Variants in SECISBP2 observed in about 807,000 individuals in gnomAD.
The protein encoded by SECISBP2 is SECIS binding protein 2.
SECISBP2 carries 96 observed loss-of-function variants against 98.2 expected under a neutral mutation model. The ratio of observed to expected loss-of-function variants is 0.98; its 90% CI spans 0.83 to 1.16. The LOEUF is 1.16. SECISBP2 is among the 50% of genes most tolerant of loss of function. The pLI, the probability that SECISBP2 is intolerant of heterozygous loss-of-function variation, is 0.00. For missense variants in SECISBP2, 1,046 were observed against 1,022.9 expected, an observed-to-expected ratio of 1.02 and a Z score of -0.31; for synonymous variants, 407 against 370.2, an observed-to-expected ratio of 1.10 and a Z score of -1.14.
At chr9:89,326,133 C>A in intron 4 of SECISBP2, 95 bp downstream of exon 4, 1 of 1,446,518 alleles carries the variant, frequency 6.9e-7, no homozygotes. Context: ...TGGGCTTGTT[C>A]ATTGTGACTA....
Position 89,350,635 on chromosome 9 carries a change from C to A in SECISBP2, c.1896C>A (p.Tyr632Ter). ...PKIHSRRFRD[Y>*]CSQMLSKEVD... ...TGATGTCTGATGTTTCTTTCAGTTA[C>A]TGCAGCCAGATGCTTAGTAAAGAAG... Residue 632 changes from tyrosine (Y) to a stop codon, truncating the protein, a stop_gained, in exon 14 of 17, where the codon TAC becomes TAA. Coordinates refer to ENST00000375807, the MANE Select transcript of SECISBP2 (RefSeq NM_024077.5). LOFTEE classifies it high-confidence loss of function. 1 of 1,613,768 alleles carries A rather than the reference C, an allele frequency of 6.2e-7. No homozygotes were observed. Among genetic ancestry groups the A allele is most frequent in the Non-Finnish European group, 8.5e-7 (1 of 1,179,664 alleles).
At chr9:89,366,603 A>G in the SECISBP2 span, among the ~76,000 whole-genome samples, 15 of 152,370 alleles carry the variant, frequency 9.8e-5, no homozygotes, top group South Asian at 4.1e-4. Context: ...CCATGTATCT[A>G]TCTACAAATA....
Position 89,325,492 on chromosome 9 carries a change from C to T in SECISBP2, c.248C>T (p.Ser83Phe). ...ACTTTTCCACCTCAGTATTTATCTT[C>T]TGAGATAACTCTTCATCCATATGCC... The part of the protein sequence containing the change: ...ASTFPPQYLS[S>F]EITLHPYAYS... The change falls in exon 3 of 17, where the codon TCT (serine) becomes TTT (phenylalanine). Residue 83 changes from serine to phenylalanine, a missense_variant. By Grantham distance (155) the Ser-to-Phe change is radical. Coordinates refer to ENST00000375807, the MANE Select transcript of SECISBP2 (RefSeq NM_024077.5). The T allele has an allele frequency of 1.2e-6, 2 of 1,613,396 alleles. No individual in the cohort carries two copies. Among genetic ancestry groups the T allele is most frequent in the Non-Finnish European group, 8.5e-7 (1 of 1,179,478 alleles).
At position 89,350,666 on chromosome 9, in the gene SECISBP2, G is replaced by T. The variant is rs1384449486; in HGVS notation, c.1927G>T (p.Ala643Ser). 1.9e-6 allele frequency: 3 copies of T among 1,614,172 alleles called. No individual in the cohort carries two copies. The highest frequency in any genetic ancestry group is 2.2e-5 in the South Asian group (2 of 91,082). Residue 643 changes from alanine (A) to serine (S), a missense_variant, in exon 14 of 17, where the codon GCT (alanine) becomes TCT (serine). Coordinates refer to ENST00000375807, the MANE Select transcript of SECISBP2 (RefSeq NM_024077.5). Reference sequence around the variant, plus strand: ...CCAGATGCTTAGTAAAGAAGTGGATGCTTGTGTTACCGACCTACTCAAAGA... The same window carrying T: ...CCAGATGCTTAGTAAAGAAGTGGATTCTTGTGTTACCGACCTACTCAAAGA... ...CSQMLSKEVD[A>S]CVTDLLKELV...
intron 2 of SECISBP2, among the ~76,000 whole-genome samples, chr9:89,320,477 TAAAC>T (rs1239686268): frequency 1.3e-5 from 2 of 150,848 alleles, no homozygotes; most frequent in East Asian, 3.9e-4. Flanking sequence ...AAGGACCAAA[TAAAC>T]GTACTCCTCC....
In SECISBP2 at chr9:89,346,910, A is replaced by G. The variant is rs1830499881; in HGVS notation, c.1464A>G (p.Glu488=). 1 of 1,614,118 alleles carries G rather than the reference A, an allele frequency of 6.2e-7. No homozygotes were observed. The highest frequency in any genetic ancestry group is 2.2e-5 in the East Asian group (1 of 44,880). ...GAGCAGTGCCAGTCCTTTCCAAAGA[A>G]TGTGCATCAGGGGAGAGAGGCCGCC... ...SVGAVPVLSK[E]CASGERGRRM... Residue 488 remains glutamate, a synonymous_variant, in exon 11 of 17, where the codon GAA becomes GAG. Coordinates refer to ENST00000375807, the MANE Select transcript of SECISBP2 (RefSeq NM_024077.5).
intron 4 of SECISBP2, 88 bp from the exon 5 acceptor site, chr9:89,328,572 A>T: frequency 1.1e-6 from 1 of 947,360 alleles, no homozygotes; most frequent in South Asian, 1.4e-5. Context: ...CAATAGCAAT[A>T]GTCTTTGTAC....
At chr9:89,353,505 C>T (rs1831601008) in intron 14 of SECISBP2, among the ~76,000 whole-genome samples, 1 of 152,180 alleles carries the variant, frequency 6.6e-6, no homozygotes, top group Admixed American at 6.5e-5. Context: ...CGAGTTGCCT[C>T]TTTGCCCAGT....
rs112795277 is a variant in SECISBP2, at chr9:89,327,557, T to A, written c.575-1103T>A. 6.9e-3 allele frequency among the ~76,000 whole-genome samples: 1,040 copies of A among 151,622 alleles called. 15 individuals carry two copies. Among genetic ancestry groups the A allele is most frequent in the African/African-American group, 0.024 (986 of 41,324 alleles). On this transcript the variant is annotated intron_variant, in intron 4 of 16. Transcript: ENST00000375807. ...TACTCTATAAGCTTTTTTCTATTAA[T>A]TTTTTTTTAACTTTCTACACTTTTT...
chr9:89,349,379 G>T (rs544657831), intron 12 of SECISBP2, among the ~76,000 whole-genome samples: 1 of 152,138 alleles, frequency 6.6e-6, no homozygotes, highest in Admixed American at 6.5e-5. Context: ...ATGGTCTCAA[G>T]CATTTGAGAA....
chr9:89,330,891 A>G (rs1456053679), intron 5 of SECISBP2, among the ~76,000 whole-genome samples: 1 of 152,218 alleles, frequency 6.6e-6, no homozygotes, highest in Non-Finnish European at 1.5e-5. Context: ...CTTTATATCA[A>G]GGTCACTTGT....
At chr9:89,322,979 T>A (rs1826067220) in intron 2 of SECISBP2, 1 of 151,972 alleles carries the variant, frequency 6.6e-6, no homozygotes, top group Non-Finnish European at 1.5e-5. Context: ...AAGAAGAGGG[T>A]CTTGAAGGCT....
At chr9:89,337,618 ACAT>A (rs1272532354) in intron 7 of SECISBP2, among the ~76,000 whole-genome samples, 4 of 152,182 alleles carry the variant, frequency 2.6e-5, no homozygotes, top group African/African-American at 4.8e-5. Context: ...ACTTAGAAAA[ACAT>A]CATGGACAGC....
rs1275598537 is a variant in SECISBP2 at position 89,334,539 on chromosome 9, A to G, written c.898A>G (p.Met300Val). The G allele has an allele frequency of 1.6e-5, 26 of 1,614,132 alleles. No homozygotes were observed. The highest frequency in any genetic ancestry group is 1.7e-4 in the Middle Eastern group (1 of 6,060). The part of the protein sequence containing the change: ...SCTRELSWTP[M>V]GYVVRQTLST... ...TTGAGCAGAGTTATCTTGGACACCA[A>G]TGGGTTATGTTGTTCGACAGACATT... is the stretch of plus-strand genomic sequence containing the variant. Residue 300 changes from methionine (M) to valine (V), a missense_variant, in exon 7 of 17, where the codon ATG becomes GTG. Physicochemically the swap from Met to Val is conservative, Grantham distance 21. Transcript: ENST00000375807.
chr9:89,362,182 T>A, downstream of SECISBP2: 9 of 658,666 alleles, frequency 1.4e-5, no homozygotes, highest in Admixed American at 2.9e-5. Context: ...CACCTAATTT[T>A]TTAAGTCTTA....
chr9:89,363,743 G>A (rs1160767745), downstream of SECISBP2: 3 of 1,612,228 alleles, frequency 1.9e-6, no homozygotes, highest in Non-Finnish European at 2.5e-6. Context: ...TCACTTACCA[G>A]GTCTCATCAC....
At chr9:89,326,273 A>G (rs566646723) in intron 4 of SECISBP2, among the ~76,000 whole-genome samples, 4 of 152,218 alleles carry the variant, frequency 2.6e-5, no homozygotes, top group African/African-American at 9.6e-5. Context: ...TTAAGTGCCT[A>G]TAATTTGTAT....
At chr9:89,319,565 A>G (rs984310698) in intron 1 of SECISBP2, 87 bp from the exon 2 acceptor site, 100 of 1,463,230 alleles carry the variant, frequency 6.8e-5, no homozygotes, top group African/African-American at 1.5e-4. Context: ...TTCTGGGGCT[A>G]TTAGGAACAC....
intron 7 of SECISBP2, 43 bp downstream of exon 7, chr9:89,334,773 G>A: frequency 7.0e-7 from 1 of 1,436,684 alleles, no homozygotes; most frequent in South Asian, 1.1e-5. Flanking sequence ...TGGTTGCCAG[G>A]GGCTCAGTAG....
Sources: gnomAD v4.1 joint callset for allele counts (sites outside exome capture counted in the v4.1 genomes callset) on GRCh38, gnomAD v4.1.1 for gene constraint, MANE v1.5 for transcripts, NCBI Gene and HGNC (gene_info 2026-07-23, HGNC 2026-07-21) for gene names.